LARGE1: variants seen among roughly 807,000 people sequenced by gnomAD.
The protein encoded by LARGE1 is xylosyl- and glucuronyltransferase LARGE1.
In LARGE1, 43 loss-of-function variants were observed where a neutral mutation model predicts 87.6. The ratio of observed to expected loss-of-function variants is 0.49; its 90% CI spans 0.38 to 0.63. The LOEUF is 0.63. Among genes scored for constraint, LARGE1 ranks in the 30% least tolerant of loss-of-function variants. The probability of loss-of-function intolerance (pLI) is 0.00; values close to 1 mark genes in which losing one functional copy is unlikely to be tolerated. For missense variants in LARGE1, 802 were observed against 1,000.2 expected (o/e 0.80, Z 2.67); for synonymous variants, 434 against 394.6 (o/e 1.10, Z -1.18).
At chr22:33,648,195 A>G (rs1370182745) in intron 3 of LARGE1, among the ~76,000 whole-genome samples, 1 of 152,166 alleles carries the variant, frequency 6.6e-6, no homozygotes, top group East Asian at 1.9e-4. Flanking sequence ...TCAAAAGCCA[A>G]TGGTCTTTGG....
At chr22:33,390,840 T>A (rs1474003599) in intron 7 of LARGE1, among the ~76,000 whole-genome samples, 2 of 151,970 alleles carry the variant, frequency 1.3e-5, no homozygotes, top group African/African-American at 4.8e-5. Context: ...ACCACAGGTG[T>A]GCGCCACCAG....
chr22:33,214,950 C>A (rs187668660), intron 11 of LARGE1, among the ~76,000 whole-genome samples: 2 of 152,146 alleles, frequency 1.3e-5, no homozygotes, highest in South Asian at 4.1e-4. Flanking sequence ...CAAGGTCCCA[C>A]GAGCACCCTG....
At chr22:33,655,061 G>A (rs1433261698) in intron 2 of LARGE1, among the ~76,000 whole-genome samples, 2 of 152,154 alleles carry the variant, frequency 1.3e-5, no homozygotes, top group Admixed American at 1.3e-4. Context: ...AGTTCCATAT[G>A]TATCTTGTTG....
At chr22:33,548,418 G>T (rs902228980) in intron 6 of LARGE1, among the ~76,000 whole-genome samples, 3 of 98,746 alleles carry the variant, frequency 3.0e-5, no homozygotes, top group Non-Finnish European at 7.1e-5. Context: ...CAGGCATTCC[G>T]TTTTTTTTTT....
At chr22:33,608,326 T>A (rs2079324934) in intron 4 of LARGE1, among the ~76,000 whole-genome samples, 1 of 152,180 alleles carries the variant, frequency 6.6e-6, no homozygotes, top group Non-Finnish European at 1.5e-5. Flanking sequence ...CTTGTGCTGT[T>A]CCCTCTCCAT....
At chr22:33,171,806 G>C (rs944776538) in intron 11 of LARGE1, among the ~76,000 whole-genome samples, 1 of 152,230 alleles carries the variant, frequency 6.6e-6, no homozygotes, top group African/African-American at 2.4e-5. Context: ...GCTAGGCAGT[G>C]AGGAAGGGAA....
At chr22:33,180,943 G>A (rs1923127747) in intron 11 of LARGE1, among the ~76,000 whole-genome samples, 1 of 152,214 alleles carries the variant, frequency 6.6e-6, no homozygotes, top group Non-Finnish European at 1.5e-5. Flanking sequence ...AGGAGTGACA[G>A]CCAGTGGGTA....
At chr22:33,587,717 C>G (rs1338087329) in intron 5 of LARGE1, among the ~76,000 whole-genome samples, 1 of 141,232 alleles carries the variant, frequency 7.1e-6, no homozygotes, top group African/African-American at 2.8e-5. Context: ...ATCAAATCTA[C>G]TGGAGTTTTC....
chr22:33,714,716 C>A (rs994920342), intron 2 of LARGE1, among the ~76,000 whole-genome samples: 16 of 152,220 alleles, frequency 1.1e-4, no homozygotes, highest in African/African-American at 3.9e-4. Flanking sequence ...CTTGGCCCAA[C>A]TGGCCTCAGG....
At chr22:33,123,528 T>G in the LARGE1 span, among the ~76,000 whole-genome samples, 2 of 152,196 alleles carry the variant, frequency 1.3e-5, no homozygotes, top group Non-Finnish European at 2.9e-5. Flanking sequence ...AAAAGCTTAG[T>G]CACATTTTCC....
At chr22:33,317,082 C>T (rs566979016) in intron 10 of LARGE1, among the ~76,000 whole-genome samples, 2 of 151,844 alleles carry the variant, frequency 1.3e-5, no homozygotes, top group Non-Finnish European at 2.9e-5. Flanking sequence ...GGCATGGTGG[C>T]GGACACCTGT....
intron 1 of LARGE1, among the ~76,000 whole-genome samples, chr22:33,825,603 T>A (rs1237932215): frequency 2.6e-5 from 4 of 152,144 alleles, no homozygotes; most frequent in African/African-American, 9.7e-5. Flanking sequence ...ACTCACTCAC[T>A]GTCACCACTA....
At chr22:33,799,285 T>A (rs1373581848) in intron 1 of LARGE1, among the ~76,000 whole-genome samples, 1 of 152,166 alleles carries the variant, frequency 6.6e-6, no homozygotes, top group East Asian at 1.9e-4. Flanking sequence ...CACTGCCCAC[T>A]GTTTGATCAG....
intron 6 of LARGE1, among the ~76,000 whole-genome samples, chr22:33,526,212 A>G (rs1028049295): frequency 2.6e-5 from 4 of 152,230 alleles, no homozygotes; most frequent in African/African-American, 9.6e-5. Flanking sequence ...TATTTATAAG[A>G]GAAAAAAACT....
chr22:33,565,883 A>G (rs1297280646), intron 5 of LARGE1, among the ~76,000 whole-genome samples: 1 of 152,232 alleles, frequency 6.6e-6, no homozygotes, highest in African/African-American at 2.4e-5. Context: ...AAATAAAAGC[A>G]CCAGTGTGAT....
At chr22:33,624,941 T>C (rs2079875539) in intron 4 of LARGE1, among the ~76,000 whole-genome samples, 6 of 152,302 alleles carry the variant, frequency 3.9e-5, no homozygotes, top group Admixed American at 3.3e-4. Context: ...TGACTGCAGA[T>C]GGGCTTGTTG....
At chr22:33,381,160 C>T (rs552294587) in intron 9 of LARGE1, among the ~76,000 whole-genome samples, 2 of 152,324 alleles carry the variant, frequency 1.3e-5, no homozygotes, top group South Asian at 4.1e-4. Flanking sequence ...CCAGCTGTCC[C>T]ATCTGAAGCT....
chr22:33,119,270 G>A, the LARGE1 span, among the ~76,000 whole-genome samples: 1 of 152,210 alleles, frequency 6.6e-6, no homozygotes, highest in Non-Finnish European at 1.5e-5. Context: ...AAATATTTTA[G>A]TAACCCAAAT....
chr22:33,623,133 T>G (rs1354118589), intron 4 of LARGE1, among the ~76,000 whole-genome samples: 1 of 149,630 alleles, frequency 6.7e-6, no homozygotes, highest in Non-Finnish European at 1.5e-5. Flanking sequence ...TTCTAGAAAG[T>G]GGGCTTTTTT....
Sources: allele counts gnomAD v4.1 joint callset (sites outside exome capture counted in the v4.1 genomes callset), GRCh38; gene constraint gnomAD v4.1.1; transcripts MANE v1.5; gene names NCBI Gene and HGNC (gene_info 2026-07-23, HGNC 2026-07-21).